Variants in CTNNA2 observed in about 807,000 individuals in gnomAD.
CTNNA2 encodes catenin alpha-2.
A neutral mutation model predicts 101.0 loss-of-function variants in CTNNA2; 42 were observed. That is an observed-to-expected ratio of 0.42 (90% CI 0.32 to 0.54). The LOEUF (loss-of-function observed/expected upper bound fraction) is 0.54. Among genes scored for constraint, CTNNA2 ranks in the 20% least tolerant of loss-of-function variants. CTNNA2 has a pLI of 0.14. For synonymous variants in CTNNA2, 450 were observed against 456.4 expected (o/e 0.99, Z 0.18); for missense variants, 871 against 1,223.1 (o/e 0.71, Z 4.29).
chr2:79,664,542 C>T (rs751498784), intron 2 of CTNNA2, among the ~76,000 whole-genome samples: 1 of 151,940 alleles, frequency 6.6e-6, no homozygotes, highest in African/African-American at 2.4e-5. Flanking sequence ...ATTCAAGACC[C>T]GCAGGTAAAT....
chr2:80,643,282 T>C (rs189007769), intron 18 of CTNNA2, among the ~76,000 whole-genome samples: 70 of 152,170 alleles, frequency 4.6e-4, no homozygotes, highest in African/African-American at 1.6e-3. Flanking sequence ...AGTGGTTAGA[T>C]GGCCTGGGTT....
intron 3 of CTNNA2, among the ~76,000 whole-genome samples, chr2:79,816,548 G>A (rs957166322): frequency 6.6e-6 from 1 of 152,116 alleles, no homozygotes; most frequent in African/African-American, 2.4e-5. Context: ...AGAAGAGCAG[G>A]AGCATATATC....
chr2:79,699,881 A>G (rs930004169), intron 2 of CTNNA2, among the ~76,000 whole-genome samples: 4 of 148,148 alleles, frequency 2.7e-5, no homozygotes, highest in African/African-American at 9.8e-5. Context: ...GTATATATGT[A>G]TATATAATAC....
intron 7 of CTNNA2, among the ~76,000 whole-genome samples, chr2:80,161,224 C>G (rs1161751834): frequency 6.6e-6 from 1 of 152,236 alleles, no homozygotes; most frequent in South Asian, 2.1e-4. Context: ...CCATGTTGGC[C>G]AGGCTAGTCT....
Position 80,306,522 on chromosome 2 carries a change from AC to A in CTNNA2, c.1057-86687del, listed in dbSNP as rs559686734. Among the ~76,000 whole-genome samples the A allele has an allele frequency of 5.3e-4, 79 of 149,692 alleles. No homozygotes were observed. In the South Asian group the frequency reaches 7.8e-3, roughly 15 times the overall value. ...TGCCTCTCTGTCACTCTTGCTGCCT[AC>A]CTAACTCTGGATCAGGCATTTGCAT... On this transcript the variant is annotated intron_variant, in intron 7 of 18. Transcript: ENST00000402739.
At chr2:79,956,853 T>TCTTTTTTTTTTTC (rs1558673611) in intron 7 of CTNNA2, among the ~76,000 whole-genome samples, 1 of 146,754 alleles carries the variant, frequency 6.8e-6, no homozygotes, top group Non-Finnish European at 1.5e-5. Context: ...GTTTTTTTTT[T>TCTTTTTTTTTTTC]TTTTTTTTTT....
intron 7 of CTNNA2, among the ~76,000 whole-genome samples, chr2:80,259,846 C>A (rs746477354): frequency 1.3e-5 from 2 of 152,286 alleles, no homozygotes; most frequent in African/African-American, 4.8e-5. Context: ...ACGAATACTT[C>A]CCCTGTCTAA....
intron 7 of CTNNA2, among the ~76,000 whole-genome samples, chr2:79,964,599 T>C (rs1433800933): frequency 6.6e-6 from 1 of 152,220 alleles, no homozygotes; most frequent in African/African-American, 2.4e-5. Flanking sequence ...TTCCGTGATT[T>C]CCTTCTAAAT....
At chr2:80,501,228 C>T (rs1174707098) in intron 9 of CTNNA2, among the ~76,000 whole-genome samples, 2 of 152,156 alleles carry the variant, frequency 1.3e-5, no homozygotes, top group Non-Finnish European at 2.9e-5. Flanking sequence ...GTATATGACC[C>T]ATTATGTGAA....
chr2:79,678,940 G>C (rs12466764), intron 2 of CTNNA2, among the ~76,000 whole-genome samples: 19,299 of 152,132 alleles, frequency 0.13, 1,739 homozygotes, highest in East Asian at 0.47. Context: ...ATCTATAATG[G>C]AATGTTTCTG....
chr2:80,209,823 G>A (rs569280781), intron 7 of CTNNA2, among the ~76,000 whole-genome samples: 9 of 152,272 alleles, frequency 5.9e-5, no homozygotes, highest in East Asian at 3.9e-4. Context: ...GTTAAAGAGC[G>A]AAAACCCGAA....
intron 7 of CTNNA2, among the ~76,000 whole-genome samples, chr2:79,938,254 T>C (rs1687921188): frequency 6.6e-6 from 1 of 152,200 alleles, no homozygotes; most frequent in Non-Finnish European, 1.5e-5. Flanking sequence ...ATAATATGAA[T>C]AAACATATAC....
chr2:79,220,726 AG>A lies in CTNNA2; in HGVS notation c.-406+22651del, dbSNP rs148518445. 3.9e-3 allele frequency among the ~76,000 whole-genome samples: 596 copies of A among 152,338 alleles called. 2 individuals carry two copies. The highest frequency in any genetic ancestry group is 0.014 in the African/African-American group (568 of 41,568). On this transcript the variant is annotated intron_variant, in intron 2 of 21. Coordinates refer to the CTNNA2 transcript ENST00000466387. ...CATAGAAACTGGGAAATTGAAAAAA[AG>A]TATCCACCCTCATAGAAATCAATAA...
intron 6 of CTNNA2, among the ~76,000 whole-genome samples, chr2:79,888,626 AT>A (rs973345114): frequency 6.6e-6 from 1 of 152,064 alleles, no homozygotes; most frequent in African/African-American, 2.4e-5. Flanking sequence ...TTATATCTTG[AT>A]TTTTTGGCCC....
chr2:79,810,135 G>C (rs1676892367), intron 3 of CTNNA2, among the ~76,000 whole-genome samples: 2 of 152,122 alleles, frequency 1.3e-5, no homozygotes, highest in African/African-American at 2.4e-5. Flanking sequence ...ATTTCTTAGA[G>C]ACTATCTGTG....
intron 7 of CTNNA2, among the ~76,000 whole-genome samples, chr2:80,074,565 T>A (rs957437891): frequency 6.6e-6 from 1 of 152,090 alleles, no homozygotes; most frequent in South Asian, 2.1e-4. Flanking sequence ...TGGCAAGATA[T>A]GCTGCAGGAA....
intron 4 of CTNNA2, among the ~76,000 whole-genome samples, chr2:79,863,379 G>A (rs1182744755): frequency 6.6e-6 from 1 of 152,158 alleles, no homozygotes; most frequent in African/African-American, 2.4e-5. Context: ...GGAGAGGGAG[G>A]TCTCAAGATT....
At chr2:80,307,968 G>A (rs1275107059) in intron 7 of CTNNA2, among the ~76,000 whole-genome samples, 1 of 152,212 alleles carries the variant, frequency 6.6e-6, no homozygotes, top group Non-Finnish European at 1.5e-5. Flanking sequence ...GGAACTAAGG[G>A]GAGGTAGAAG....
chr2:80,276,336 C>G (rs957097350), intron 7 of CTNNA2, among the ~76,000 whole-genome samples: 1 of 152,136 alleles, frequency 6.6e-6, no homozygotes. Context: ...TGTCCTCAAG[C>G]CACTTGGATT....
Sources: allele counts gnomAD v4.1 joint callset (sites outside exome capture counted in the v4.1 genomes callset), GRCh38; gene constraint gnomAD v4.1.1; transcripts MANE v1.5; gene names NCBI Gene and HGNC (gene_info 2026-07-23, HGNC 2026-07-21).